Variants in LRBA observed in about 807,000 individuals in gnomAD.
LRBA encodes the protein LPS responsive beige-like anchor protein.
A neutral mutation model predicts 330.0 loss-of-function variants in LRBA; 176 were observed. The observed-to-expected ratio is 0.53, with a 90% CI of 0.47 to 0.60. The LOEUF (loss-of-function observed/expected upper bound fraction) is 0.60. LRBA is among the 20% of genes least tolerant of loss of function. The pLI is 0.00. For synonymous variants in LRBA, 1,230 were observed against 1,193.0 expected (o/e 1.03, Z -0.64); for missense variants, 3,259 against 3,444.8 (o/e 0.95, Z 1.35).
chr4:150,444,851 T>A (rs935060152), intron 44 of LRBA, among the ~76,000 whole-genome samples: 1 of 152,212 alleles, frequency 6.6e-6, no homozygotes, highest in South Asian at 2.1e-4. Context: ...CTGATAGATT[T>A]ACTAGTGATG....
At chr4:150,806,485 C>CAT (rs371782650) in intron 32 of LRBA, 81 bp from the exon 33 acceptor site, 304 of 761,840 alleles carry the variant, frequency 4.0e-4, no homozygotes, top group Middle Eastern at 8.5e-4. Context: ...GATGTATTTC[C>CAT]ATATATATAT....
intron 22 of LRBA, among the ~76,000 whole-genome samples, chr4:150,864,953 A>G (rs1345616630): frequency 1.3e-5 from 2 of 152,110 alleles, no homozygotes; most frequent in African/African-American, 4.8e-5. Flanking sequence ...CAAGGTCTTT[A>G]GGTTATACTT....
intron 32 of LRBA, among the ~76,000 whole-genome samples, chr4:150,807,255 T>C (rs1360605819): frequency 3.3e-5 from 5 of 152,124 alleles, no homozygotes; most frequent in South Asian, 2.1e-4. Flanking sequence ...AAGAAGACAG[T>C]TGCTACTGAA....
At chr4:150,829,501 A>T (rs1335792469) in intron 29 of LRBA, among the ~76,000 whole-genome samples, 1 of 152,166 alleles carries the variant, frequency 6.6e-6, no homozygotes, top group Non-Finnish European at 1.5e-5. Context: ...TCCTAATAGG[A>T]CTTCACATAA....
chr4:150,494,531 G>A (rs1759338289), intron 40 of LRBA, among the ~76,000 whole-genome samples: 1 of 152,184 alleles, frequency 6.6e-6, no homozygotes, highest in South Asian at 2.1e-4. Context: ...GGAGAAATGA[G>A]TATACTACAG....
chr4:150,610,781 A>T (rs1393035109), intron 37 of LRBA, among the ~76,000 whole-genome samples: 7 of 152,080 alleles, frequency 4.6e-5, no homozygotes, highest in Admixed American at 2.0e-4. Flanking sequence ...AATAAATAAC[A>T]TAGGCTTTAT....
chr4:150,472,713 G>A (rs1242039188), intron 42 of LRBA, among the ~76,000 whole-genome samples: 3 of 151,980 alleles, frequency 2.0e-5, no homozygotes, highest in Non-Finnish European at 1.5e-5. Context: ...ACCTTTTCTA[G>A]ACATTTCAGA....
At chr4:150,425,203 C>T (rs2151972101) in intron 46 of LRBA, among the ~76,000 whole-genome samples, 1 of 152,256 alleles carries the variant, frequency 6.6e-6, no homozygotes, top group Middle Eastern at 3.4e-3. Context: ...TTTTAATGCA[C>T]ATTTACAAAG....
intron 44 of LRBA, among the ~76,000 whole-genome samples, chr4:150,459,238 T>A (rs189231589): frequency 1.4e-3 from 212 of 151,936 alleles, no homozygotes; most frequent in Admixed American, 4.5e-3. Context: ...CTGTTTTCCA[T>A]CCTTTACCTT....
chr4:150,323,025 G>GTGTGTGTGTT (rs373782725), intron 49 of LRBA, among the ~76,000 whole-genome samples: 3,776 of 142,554 alleles, frequency 0.026, 72 homozygotes, highest in Non-Finnish European at 0.034. Context: ...GTGTGTGTGT[G>GTGTGTGTGTT]GGGATGCATT....
chr4:150,615,252 G>A (rs1385165648), intron 37 of LRBA, among the ~76,000 whole-genome samples: 1 of 152,152 alleles, frequency 6.6e-6, no homozygotes, highest in African/African-American at 2.4e-5. Flanking sequence ...AGTCTTCATA[G>A]GTTATAACAA....
chr4:150,990,281 A>G (rs573046438), intron 2 of LRBA, among the ~76,000 whole-genome samples: 4 of 152,210 alleles, frequency 2.6e-5, no homozygotes, highest in Non-Finnish European at 5.9e-5. Context: ...ACAACTTAGA[A>G]TAGATTAAGA....
chr4:150,809,057 T>C (rs759182219), intron 31 of LRBA, among the ~76,000 whole-genome samples: 7 of 152,192 alleles, frequency 4.6e-5, no homozygotes, highest in Non-Finnish European at 7.3e-5. Flanking sequence ...GGCTGGAGGT[T>C]GTGTTGGCCC....
chr4:150,564,074 C>A (rs1195824702), intron 40 of LRBA, among the ~76,000 whole-genome samples: 2 of 152,076 alleles, frequency 1.3e-5, no homozygotes, highest in Non-Finnish European at 2.9e-5. Context: ...GCCCATATAG[C>A]CAAGACAATC....
chr4:150,535,416 G>A (rs1764542154), intron 40 of LRBA, among the ~76,000 whole-genome samples: 1 of 152,146 alleles, frequency 6.6e-6, no homozygotes, highest in African/African-American at 2.4e-5. Context: ...GGGATTACAG[G>A]CACAAGCCAT....
In LRBA at chr4:150,265,588, C is replaced by CAATT. The variant is rs1262321255; in HGVS notation, c.*130_*133dup. On this transcript the variant is annotated 3_prime_UTR_variant, in exon 57 of 57. Transcript: ENST00000651943. Reference sequence around the variant, plus strand: ...AGTCAAGCAAAGACTACAAAAATAGCAATTATTAATAACTTTAAAAAATAT... The same window carrying CAATT: ...AGTCAAGCAAAGACTACAAAAATAGCAATTAATTATTAATAACTTTAAAAAATAT... 1 of 613,570 alleles carries CAATT rather than the reference C, an allele frequency of 1.6e-6. No homozygotes were observed. The highest frequency in any genetic ancestry group is 3.0e-6 in the Non-Finnish European group (1 of 338,458). The allele number at this position is 613,570 out of a possible 1,614,324, so 38.0% of individuals were successfully genotyped here.
chr4:150,463,428 C>A (rs1755028396), intron 44 of LRBA, among the ~76,000 whole-genome samples: 1 of 151,972 alleles, frequency 6.6e-6, no homozygotes, highest in African/African-American at 2.4e-5. Flanking sequence ...AATGCCATTA[C>A]AATTGAAGTC....
chr4:150,398,895 G>T (rs1471659994), intron 47 of LRBA, among the ~76,000 whole-genome samples: 2 of 152,024 alleles, frequency 1.3e-5, no homozygotes, highest in Non-Finnish European at 2.9e-5. Context: ...CCAGAGTGCC[G>T]GGATTTACAG....
intron 46 of LRBA, among the ~76,000 whole-genome samples, chr4:150,434,212 G>A (rs1750797083): frequency 6.6e-6 from 1 of 151,978 alleles, no homozygotes; most frequent in East Asian, 1.9e-4. Context: ...AAACCATAGG[G>A]ATATCTCATT....
Sources: allele counts gnomAD v4.1 joint callset (sites outside exome capture counted in the v4.1 genomes callset), GRCh38; gene constraint gnomAD v4.1.1; transcripts MANE v1.5; gene names NCBI Gene and HGNC (gene_info 2026-07-23, HGNC 2026-07-21).